Variants in SGCZ observed in about 807,000 individuals in gnomAD.
The protein encoded by SGCZ is sarcoglycan zeta.
Under a neutral mutation model 41.3 loss-of-function variants are expected in SGCZ, and 40 were observed. That is an observed-to-expected ratio of 0.97 (90% CI 0.75 to 1.26). SGCZ has a LOEUF of 1.26. Ranked by LOEUF, SGCZ falls within the 50% of genes most tolerant of loss-of-function variation. The pLI is 0.00. For synonymous variants in SGCZ, 206 were observed against 137.5 expected (o/e 1.50, Z -3.49); for missense variants, 552 against 369.8 (o/e 1.49, Z -4.04).
At chr8:14,367,134 G>A (rs927416918) in intron 2 of SGCZ, among the ~76,000 whole-genome samples, 9 of 152,108 alleles carry the variant, frequency 5.9e-5, no homozygotes, top group East Asian at 5.8e-4. Context: ...TCTCATGTTC[G>A]AAGTTCCACA....
chr8:14,784,828 G>A (rs776026732), intron 1 of SGCZ, among the ~76,000 whole-genome samples: 4 of 146,992 alleles, frequency 2.7e-5, no homozygotes, highest in Non-Finnish European at 6.0e-5. Flanking sequence ...CTTGAACCTG[G>A]GAGGCAGAGG....
chr8:14,493,971 G>GA (rs1293344855), intron 2 of SGCZ, among the ~76,000 whole-genome samples: 1 of 151,864 alleles, frequency 6.6e-6, no homozygotes, highest in Non-Finnish European at 1.5e-5. Flanking sequence ...CAGAGATTGA[G>GA]AAAAAAATAT....
chr8:14,970,817 A>G (rs533961427), intron 1 of SGCZ, among the ~76,000 whole-genome samples: 3 of 152,204 alleles, frequency 2.0e-5, no homozygotes, highest in African/African-American at 7.2e-5. Flanking sequence ...GTGTTTGTCA[A>G]TTCTCACACA....
intron 1 of SGCZ, among the ~76,000 whole-genome samples, chr8:15,049,465 G>T (rs1804435758): frequency 6.6e-6 from 1 of 152,086 alleles, no homozygotes; most frequent in Non-Finnish European, 1.5e-5. Flanking sequence ...CAGAGCAAAT[G>T]GAAGCTATAG....
chr8:14,360,676 T>C (rs1412831228), intron 2 of SGCZ, among the ~76,000 whole-genome samples: 1 of 152,140 alleles, frequency 6.6e-6, no homozygotes, highest in Non-Finnish European at 1.5e-5. Flanking sequence ...ACCCATGGTA[T>C]GGATGTTAAA....
chr8:14,607,761 G>T (rs1027448308), intron 1 of SGCZ, among the ~76,000 whole-genome samples: 1 of 152,176 alleles, frequency 6.6e-6, no homozygotes, highest in Non-Finnish European at 1.5e-5. Flanking sequence ...AAGGTTTTCA[G>T]CTCCTCTGGA....
intron 7 of SGCZ, among the ~76,000 whole-genome samples, chr8:14,093,868 A>G (rs1801762761): frequency 6.6e-6 from 1 of 152,092 alleles, no homozygotes; most frequent in Non-Finnish European, 1.5e-5. Context: ...TCTCTATAGT[A>G]AAAATCCATT....
intron 5 of SGCZ, among the ~76,000 whole-genome samples, chr8:14,121,585 AATAAT>A (rs1443990793): frequency 2.0e-5 from 3 of 152,142 alleles, no homozygotes; most frequent in Non-Finnish European, 4.4e-5. Context: ...TCATACATGA[AATAAT>A]AGAAATCAGG....
intron 1 of SGCZ, among the ~76,000 whole-genome samples, chr8:14,797,395 T>C (rs938009229): frequency 6.6e-6 from 1 of 152,146 alleles, no homozygotes; most frequent in Non-Finnish European, 1.5e-5. Flanking sequence ...GGACACTTGT[T>C]CTGCTTCAGC....
intron 1 of SGCZ, among the ~76,000 whole-genome samples, chr8:14,559,546 G>A (rs1050182559): frequency 2.6e-5 from 4 of 151,966 alleles, no homozygotes; most frequent in African/African-American, 9.7e-5. Context: ...TTGTGAAAAC[G>A]ACCATACTTC....
At chr8:14,280,808 T>C (rs1374188323) in intron 3 of SGCZ, among the ~76,000 whole-genome samples, 1 of 151,812 alleles carries the variant, frequency 6.6e-6, no homozygotes, top group Non-Finnish European at 1.5e-5. Flanking sequence ...AGGGTTTTTT[T>C]TTTTTTTAAT....
intron 2 of SGCZ, among the ~76,000 whole-genome samples, chr8:14,335,884 C>A (rs745445921): frequency 2.3e-4 from 35 of 152,136 alleles, no homozygotes; most frequent in Admixed American, 3.9e-4. Flanking sequence ...TCTCTTTACT[C>A]AATGTTAATT....
chr8:14,494,183 G>C (rs1351733973), intron 2 of SGCZ, among the ~76,000 whole-genome samples: 26 of 152,114 alleles, frequency 1.7e-4, no homozygotes, highest in Admixed American at 1.7e-3. Context: ...GAAAAATTTG[G>C]TGTTTACTGG....
At chr8:14,873,158 T>C (rs376304360) in intron 1 of SGCZ, among the ~76,000 whole-genome samples, 31 of 152,194 alleles carry the variant, frequency 2.0e-4, no homozygotes, top group African/African-American at 5.3e-4. Context: ...GTGGTGAACA[T>C]AGTTATCAGA....
intron 2 of SGCZ, among the ~76,000 whole-genome samples, chr8:14,357,768 G>C (rs984861144): frequency 7.2e-5 from 11 of 152,136 alleles, no homozygotes; most frequent in Admixed American, 1.3e-4. Flanking sequence ...TGAGAAAATT[G>C]AGGCTAAGGG....
chr8:15,004,915 A>G (rs1395608194), intron 1 of SGCZ, among the ~76,000 whole-genome samples: 2 of 152,040 alleles, frequency 1.3e-5, no homozygotes, highest in African/African-American at 4.8e-5. Flanking sequence ...CCACTGCCAC[A>G]CCTCCACCCC....
intron 1 of SGCZ, among the ~76,000 whole-genome samples, chr8:14,932,038 T>G (rs1472871261): frequency 1.3e-5 from 2 of 151,942 alleles, no homozygotes; most frequent in Admixed American, 6.5e-5. Context: ...GTATGTCCAT[T>G]TTTTCAGTAT....
At chr8:14,456,132 C>T (rs550655838) in intron 2 of SGCZ, among the ~76,000 whole-genome samples, 33 of 152,172 alleles carry the variant, frequency 2.2e-4, no homozygotes, top group Non-Finnish European at 3.2e-4. Flanking sequence ...AGGTAGGACA[C>T]GCACGGTGGC....
intron 3 of SGCZ, among the ~76,000 whole-genome samples, chr8:14,297,981 C>T (rs1465918501): frequency 1.3e-5 from 2 of 151,746 alleles, no homozygotes; most frequent in Middle Eastern, 3.2e-3. Context: ...ATTAACAAAA[C>T]GGCCCTAGCA....
Sources: gnomAD v4.1 joint callset for allele counts (sites outside exome capture counted in the v4.1 genomes callset) on GRCh38, gnomAD v4.1.1 for gene constraint, MANE v1.5 for transcripts, NCBI Gene and HGNC (gene_info 2026-07-23, HGNC 2026-07-21) for gene names.